The following NFATC1 variants were observed in gnomAD, a reference collection of about 807,000 sequenced individuals.
NFATC1 encodes the protein nuclear factor of activated T cells 1.
A neutral mutation model predicts 76.0 loss-of-function variants in NFATC1; 22 were observed. The ratio of observed to expected loss-of-function variants is 0.29; its 90% CI spans 0.21 to 0.41. The LOEUF is 0.41. Among genes scored for constraint, NFATC1 ranks in the 10% least tolerant of loss-of-function variants. The pLI, the probability that NFATC1 is intolerant of heterozygous loss-of-function variation, is 1.00. For missense variants in NFATC1, 1,357 were observed against 1,337.7 expected (o/e 1.01, Z -0.23); for synonymous variants, 704 against 613.1 (o/e 1.15, Z -2.19).
At chr18:79,507,728 C>T (rs914280222) in intron 9 of NFATC1, among the ~76,000 whole-genome samples, 4 of 152,262 alleles carry the variant, frequency 2.6e-5, no homozygotes, top group Non-Finnish European at 4.4e-5. Context: ...CAAGAAGCCT[C>T]ACGAGTCAGT....
chr18:79,464,678 A>ATATACACACATG lies in NFATC1; in HGVS notation c.1960-2771_1960-2770insATACACACATGT, dbSNP rs1568994582. The stretch of plus-strand genomic sequence containing the variant: ...TGTGTGTGTGTGTGTGTGTATATGT[A>ATATACACACATG]TGTGTATATATATATATTTATTTAT... On this transcript the variant is annotated intron_variant, in intron 7 of 9. Coordinates refer to ENST00000427363, the MANE Select transcript of NFATC1 (RefSeq NM_001278669.2). 2.5e-3 allele frequency among the ~76,000 whole-genome samples: 192 copies of ATATACACACATG among 77,086 alleles called. 3 individuals carry two copies. Among genetic ancestry groups the ATATACACACATG allele is most frequent in the African/African-American group, 9.0e-3 (177 of 19,654 alleles). The allele number at this position is 77,086 out of a possible 152,430, so 50.6% of individuals were successfully genotyped here.
At chr18:79,396,730 G>A (rs964301843) in intron 1 of NFATC1, among the ~76,000 whole-genome samples, 1 of 152,098 alleles carries the variant, frequency 6.6e-6, no homozygotes, top group Non-Finnish European at 1.5e-5. Context: ...AGTGAAGGAT[G>A]CCCCGTGTCT....
At chr18:79,403,648 C>T (rs1019594364) in intron 1 of NFATC1, among the ~76,000 whole-genome samples, 5 of 152,384 alleles carry the variant, frequency 3.3e-5, no homozygotes, top group Middle Eastern at 3.4e-3. Context: ...CTCTGGCAGT[C>T]GGGGCCACCC....
chr18:79,411,141 G>A lies in NFATC1; in HGVS notation c.866G>A (p.Gly289Asp). 5 of 1,612,270 alleles carry A rather than the reference G, an allele frequency of 3.1e-6. No homozygotes were observed. In the South Asian group the frequency reaches 5.5e-5, roughly 18 times the overall value. The part of the protein sequence containing the change: ...PHHSPTPSPH[G>D]SPRVSVTDDS... ...CACTCGCCCACGCCGTCCCCGCACG[G>A]CTCCCCGCGGGTCAGCGTGACCGAC... The change falls in exon 2 of 10, where the codon GGC (glycine) becomes GAC (aspartate). Residue 289 changes from glycine (G) to aspartate (D), a missense_variant. Gly to Asp is a moderately conservative substitution (Grantham distance 94). Transcript: ENST00000427363.
chr18:79,474,783 G>A (rs572697172), intron 8 of NFATC1, among the ~76,000 whole-genome samples: 15 of 138,928 alleles, frequency 1.1e-4, no homozygotes, highest in South Asian at 2.4e-4. Flanking sequence ...TCGACGTTGC[G>A]AGGGAAGCGT....
chr18:79,433,733 G>T lies in NFATC1; in HGVS notation c.1381G>T (p.Val461Leu), dbSNP rs1209425007. The T allele has an allele frequency of 1.2e-6, 2 of 1,611,822 alleles. No individual in the cohort carries two copies. Among genetic ancestry groups the T allele is most frequent in the Non-Finnish European group, 1.7e-6 (2 of 1,179,478 alleles). Residue 461 changes from valine (V) to leucine (L), a missense_variant, in exon 3 of 10, where the codon GTG becomes TTG. Val to Leu is a conservative substitution (Grantham distance 32, BLOSUM62 1). This residue lies in a region of NFATC1 where 242 missense variants were observed against 329.2 expected (regional missense o/e 0.74). Transcript: ENST00000427363. ...GGCGTCGGCCGGAGGACACCCCATC[G>T]TGCAGGTAGGCACTGCGGCCAGACT... ...VKASAGGHPI[V>L]QLHGYLENEP...
intron 9 of NFATC1, among the ~76,000 whole-genome samples, chr18:79,511,220 G>A (rs1414877660): frequency 9.2e-5 from 14 of 152,326 alleles, no homozygotes; most frequent in Non-Finnish European, 2.1e-4. Context: ...TTAATAATTG[G>A]ATAATCAATA....
At chr18:79,471,914 G>A (rs959748287) in intron 8 of NFATC1, among the ~76,000 whole-genome samples, 5 of 152,198 alleles carry the variant, frequency 3.3e-5, no homozygotes, top group Non-Finnish European at 5.9e-5. Context: ...TCCCTCCCCC[G>A]GTACTAACCA....
intron 8 of NFATC1, among the ~76,000 whole-genome samples, chr18:79,475,072 G>C (rs577268560): frequency 8.6e-6 from 1 of 116,694 alleles, no homozygotes; most frequent in South Asian, 2.6e-4. Flanking sequence ...TGAGGGAAGT[G>C]TGTTCTCACA....
Position 79,504,143 on chromosome 18 carries a change from G to A in NFATC1, c.2782+17206G>A, listed in dbSNP as rs554069502. ...CATCGGTGTTGTTCACTAGGGCAGCGGTTTTCACTTCTGTCTGTCTAGAGT... is the reference window on the plus strand; with the variant it reads ...CATCGGTGTTGTTCACTAGGGCAGCAGTTTTCACTTCTGTCTGTCTAGAGT... On this transcript the variant is annotated intron_variant, in intron 9 of 9. Transcript: ENST00000427363. Among the ~76,000 whole-genome samples, 3 of 152,054 alleles carry A rather than the reference G, an allele frequency of 2.0e-5. No individual in the cohort carries two copies. In the East Asian group the frequency reaches 5.8e-4, roughly 29 times the overall value.
At chr18:79,484,164 T>C (rs1349638646) in intron 8 of NFATC1, among the ~76,000 whole-genome samples, 2 of 152,044 alleles carry the variant, frequency 1.3e-5, no homozygotes, top group African/African-American at 2.4e-5. Flanking sequence ...TGGGCACCAC[T>C]GCAGAGGCAG....
intron 1 of NFATC1, chr18:79,400,241 AC>A: frequency 8.4e-7 from 1 of 1,196,744 alleles, no homozygotes; most frequent in Non-Finnish European, 1.0e-6. Flanking sequence ...GTTTATGTAA[AC>A]CCGGAAACGC....
intron 2 of NFATC1, among the ~76,000 whole-genome samples, chr18:79,427,426 G>GGGT (rs1449978966): frequency 7.3e-6 from 1 of 136,598 alleles, no homozygotes; most frequent in Non-Finnish European, 1.6e-5. Flanking sequence ...TCTGTGCGGT[G>GGGT]GGTGGGGGGG....
At chr18:79,478,136 C>T (rs1217924000) in intron 8 of NFATC1, among the ~76,000 whole-genome samples, 2 of 149,510 alleles carry the variant, frequency 1.3e-5, no homozygotes, top group African/African-American at 2.5e-5. Context: ...CGCCCACCCC[C>T]AGGTGCTCCC....
chr18:79,463,027 G>A (rs2144882729), intron 7 of NFATC1, among the ~76,000 whole-genome samples: 1 of 152,364 alleles, frequency 6.6e-6, no homozygotes, highest in African/African-American at 2.4e-5. Flanking sequence ...TGTCCCAAGA[G>A]GTGGCTCTGT....
chr18:79,503,591 G>A lies in NFATC1; in HGVS notation c.2782+16654G>A, dbSNP rs527912963. Reference sequence around the variant, plus strand: ...GGCGCACAGGCAGAGGAGATTCCGCGTCATTCTTAGGGGCCTTGGGATTTT... The same window carrying A: ...GGCGCACAGGCAGAGGAGATTCCGCATCATTCTTAGGGGCCTTGGGATTTT... On this transcript the variant is annotated intron_variant, in intron 9 of 9. Transcript: ENST00000427363. 2.8e-3 allele frequency among the ~76,000 whole-genome samples: 428 copies of A among 152,248 alleles called. 3 individuals are homozygous for A. Among genetic ancestry groups the A allele is most frequent in the African/African-American group, 9.5e-3 (393 of 41,534 alleles).
Position 79,396,035 on chromosome 18 carries a change from C to T in NFATC1, c.-190C>T. On this transcript the variant is annotated 5_prime_UTR_variant, in exon 1 of 10. Coordinates refer to ENST00000427363, the MANE Select transcript of NFATC1 (RefSeq NM_001278669.2). Reference sequence around the variant, plus strand: ...GGGCGCGGGCAGGGCTCGGAGCCACCGCGCAGGTCCTAGGGCCGCGGCCGG... The same window carrying T: ...GGGCGCGGGCAGGGCTCGGAGCCACTGCGCAGGTCCTAGGGCCGCGGCCGG... The T allele has an allele frequency of 1.8e-6, 1 of 555,074 alleles. No individual in the cohort carries two copies. The highest frequency in any genetic ancestry group is 2.4e-6 in the Non-Finnish European group (1 of 409,076). The allele number at this position is 555,074 out of a possible 1,614,324, so 34.4% of individuals were successfully genotyped here.
intron 2 of NFATC1, among the ~76,000 whole-genome samples, chr18:79,420,447 G>A (rs556515592): frequency 6.6e-6 from 1 of 150,908 alleles, no homozygotes; most frequent in African/African-American, 2.4e-5. Context: ...AGGTGACTTC[G>A]CTGCAGAGAG....
intron 9 of NFATC1, among the ~76,000 whole-genome samples, chr18:79,518,109 G>C (rs2145200845): frequency 6.6e-6 from 1 of 152,354 alleles, no homozygotes; most frequent in Middle Eastern, 3.4e-3. Context: ...TGGGTCTCCA[G>C]CTGGCACAGT....
Sources: allele counts gnomAD v4.1 joint callset (sites outside exome capture counted in the v4.1 genomes callset), GRCh38; gene constraint gnomAD v4.1.1; regional missense constraint gnomAD v4.1.1; transcripts MANE v1.5; gene names NCBI Gene and HGNC (gene_info 2026-07-23, HGNC 2026-07-21).